The following SOX6 variants were observed in gnomAD, a reference collection of about 807,000 sequenced individuals.
The protein encoded by SOX6 is SRY-box transcription factor 6, also known as transcription factor SOX-6.
In SOX6, 11 loss-of-function variants were observed where a neutral mutation model predicts 97.8. The observed-to-expected ratio is 0.11, with a 90% CI of 0.07 to 0.19. The LOEUF (loss-of-function observed/expected upper bound fraction) is 0.19. SOX6 is among the 10% of genes least tolerant of loss of function. The pLI, the probability that SOX6 is intolerant of heterozygous loss-of-function variation, is 1.00. For missense variants in SOX6, 810 were observed against 1,039.5 expected (o/e 0.78, Z 3.04); for synonymous variants, 360 against 371.4 (o/e 0.97, Z 0.35).
At position 16,610,459 on chromosome 11, in the gene SOX6, G is replaced by A. The variant is rs1848383349; in HGVS notation, n.609+1622C>T. On this transcript the variant is annotated intron_variant and non_coding_transcript_variant, in intron 4 of 5. Transcript: ENST00000524520. The surrounding 1 kb of genome is among the most constrained non-coding windows in gnomAD (Gnocchi z 4.4). ...GACTGACCCTGCCGACCAGATGCAGGCCGCTAGCGGGAGGCAAGAAGGAAA... is the reference window on the plus strand; with the variant it reads ...GACTGACCCTGCCGACCAGATGCAGACCGCTAGCGGGAGGCAAGAAGGAAA... Among the ~76,000 whole-genome samples, 2 of 152,198 alleles carry A rather than the reference G, an allele frequency of 1.3e-5. No homozygotes were observed. Among genetic ancestry groups the A allele is most frequent in the African/African-American group, 2.4e-5 (1 of 41,446 alleles).
chr11:16,449,953 A>G (rs1048137362), intron 1 of SOX6, among the ~76,000 whole-genome samples: 5 of 152,234 alleles, frequency 3.3e-5, no homozygotes, highest in African/African-American at 1.2e-4. Context: ...AGCACTATCA[A>G]TAATATTATT....
intron 4 of SOX6, among the ~76,000 whole-genome samples, chr11:16,190,802 G>A (rs1015000623): frequency 2.6e-5 from 4 of 152,146 alleles, no homozygotes; most frequent in African/African-American, 9.7e-5. Flanking sequence ...GGCAGTGGGA[G>A]GGGGATGCAT....
intron 2 of SOX6, among the ~76,000 whole-genome samples, chr11:16,320,694 G>A (rs1315516236): frequency 6.6e-6 from 1 of 152,080 alleles, no homozygotes; most frequent in South Asian, 2.1e-4. Flanking sequence ...CTCCAACTAA[G>A]ATAAATCTTG....
At chr11:16,296,019 G>T (rs1855074118) in intron 3 of SOX6, among the ~76,000 whole-genome samples, 1 of 152,086 alleles carries the variant, frequency 6.6e-6, no homozygotes, top group South Asian at 2.1e-4. Context: ...AAAGATGAAG[G>T]TCCTTTAGGC....
At chr11:16,637,240 A>G (rs1848804052) in intron 3 of SOX6, among the ~76,000 whole-genome samples, 1 of 152,052 alleles carries the variant, frequency 6.6e-6, no homozygotes, top group African/African-American at 2.4e-5. Context: ...TTTTATTTTG[A>G]GATGCAGTCT....
At chr11:16,267,540 A>T (rs1854117306) in intron 3 of SOX6, among the ~76,000 whole-genome samples, 1 of 151,608 alleles carries the variant, frequency 6.6e-6, no homozygotes, top group South Asian at 2.1e-4. Context: ...AGGACCAAAG[A>T]TAACCAGTGT....
intron 2 of SOX6, among the ~76,000 whole-genome samples, chr11:16,727,565 G>A (rs1848316081): frequency 6.6e-6 from 1 of 151,508 alleles, no homozygotes; most frequent in Non-Finnish European, 1.5e-5. Flanking sequence ...GAGTAGCTGG[G>A]ATTACAGGCA....
intron 6 of SOX6, among the ~76,000 whole-genome samples, chr11:16,139,601 C>T (rs1249502283): frequency 6.6e-6 from 1 of 152,060 alleles, no homozygotes; most frequent in African/African-American, 2.4e-5. Context: ...CACCTCCTCA[C>T]TTTCTGGAAT....
At chr11:16,541,786 A>G (rs141173035) in intron 4 of SOX6, among the ~76,000 whole-genome samples, 26,063 of 152,176 alleles carry the variant, frequency 0.17, 2,771 homozygotes, top group East Asian at 0.32. Flanking sequence ...ACCAGTTAGA[A>G]TGGTGAGCAT....
At chr11:16,189,115 A>T (rs1015214142) in intron 4 of SOX6, among the ~76,000 whole-genome samples, 4 of 152,174 alleles carry the variant, frequency 2.6e-5, no homozygotes, top group African/African-American at 9.7e-5. Flanking sequence ...GTAATCAAAC[A>T]TGTAAATGTA....
At chr11:16,203,633 A>T (rs750880312) in intron 4 of SOX6, among the ~76,000 whole-genome samples, 21 of 152,170 alleles carry the variant, frequency 1.4e-4, no homozygotes, top group Non-Finnish European at 2.5e-4. Flanking sequence ...TGCAACTAAG[A>T]GCACAGGTAA....
chr11:15,991,580 C>CA (rs1156571369), intron 13 of SOX6, among the ~76,000 whole-genome samples: 9 of 152,326 alleles, frequency 5.9e-5, no homozygotes, highest in African/African-American at 2.2e-4. Context: ...AAAAACATTT[C>CA]AATATTATTC....
At chr11:16,434,820 AT>A (rs1342549323) in intron 1 of SOX6, among the ~76,000 whole-genome samples, 5 of 151,916 alleles carry the variant, frequency 3.3e-5, no homozygotes, top group African/African-American at 1.2e-4. Flanking sequence ...GCTACAATTT[AT>A]AAAATCAGCC....
At chr11:16,541,950 A>C (rs576861321) in intron 4 of SOX6, among the ~76,000 whole-genome samples, 46 of 152,270 alleles carry the variant, frequency 3.0e-4, no homozygotes, top group African/African-American at 9.1e-4. Flanking sequence ...TTGACCCAGC[A>C]ATCCCATTAC....
intron 5 of SOX6, among the ~76,000 whole-genome samples, chr11:16,185,984 T>C (rs1229211986): frequency 1.2e-4 from 19 of 152,196 alleles, no homozygotes; most frequent in Admixed American, 9.2e-4. Flanking sequence ...AACTGCACAT[T>C]AATTTAGATC....
At chr11:16,308,716 A>C (rs988802818) in intron 3 of SOX6, among the ~76,000 whole-genome samples, 4 of 152,206 alleles carry the variant, frequency 2.6e-5, no homozygotes, top group Non-Finnish European at 5.9e-5. Context: ...GAACTACTCT[A>C]ATTCTAAAAC....
intron 14 of SOX6, among the ~76,000 whole-genome samples, chr11:15,987,331 C>A (rs949657758): frequency 6.6e-6 from 1 of 152,116 alleles, no homozygotes; most frequent in South Asian, 2.1e-4. Context: ...GCTTTAATAG[C>A]ACATGCATCC....
At chr11:16,018,648 T>C (rs1298233123) in intron 12 of SOX6, among the ~76,000 whole-genome samples, 1 of 152,150 alleles carries the variant, frequency 6.6e-6, no homozygotes, top group Non-Finnish European at 1.5e-5. Flanking sequence ...TCCATAATAA[T>C]GTGTGTGCTA....
At chr11:16,105,450 C>T (rs2133986348) in intron 7 of SOX6, among the ~76,000 whole-genome samples, 1 of 152,120 alleles carries the variant, frequency 6.6e-6, no homozygotes, top group Non-Finnish European at 1.5e-5. Flanking sequence ...TGCCTATAGT[C>T]CCAGCTACTT....
Sources: allele counts gnomAD v4.1 joint callset (sites outside exome capture counted in the v4.1 genomes callset), GRCh38; gene constraint gnomAD v4.1.1; non-coding constraint Gnocchi (gnomAD v3.1); transcripts MANE v1.5; gene names NCBI Gene and HGNC (gene_info 2026-07-23, HGNC 2026-07-21).